Variants in GALNT13 observed in about 807,000 individuals in gnomAD.
The protein encoded by GALNT13 is polypeptide N-acetylgalactosaminyltransferase 13.
A neutral mutation model predicts 64.2 loss-of-function variants in GALNT13; 28 were observed. That is an observed-to-expected ratio of 0.44 (90% confidence interval 0.32 to 0.60). The LOEUF is 0.60. GALNT13 is among the 20% of genes least tolerant of loss of function. The probability of loss-of-function intolerance (pLI) is 0.05; values close to 1 mark genes in which losing one functional copy is unlikely to be tolerated. For missense variants in GALNT13, 577 were observed against 669.8 expected (o/e 0.86, Z 1.53); for synonymous variants, 214 against 224.6 (o/e 0.95, Z 0.42).
the GALNT13 span, among the ~76,000 whole-genome samples, chr2:153,647,926 T>C: frequency 6.6e-6 from 1 of 152,210 alleles, no homozygotes; most frequent in Non-Finnish European, 1.5e-5. Context: ...TTCTTTTGGC[T>C]TAGGATTGAA....
At chr2:153,754,805 C>A in the GALNT13 span, among the ~76,000 whole-genome samples, 1 of 152,092 alleles carries the variant, frequency 6.6e-6, no homozygotes, top group African/African-American at 2.4e-5. Context: ...TTTATCAGAG[C>A]CCCGGAGGAG....
At chr2:153,595,442 T>C in the GALNT13 span, among the ~76,000 whole-genome samples, 1 of 151,926 alleles carries the variant, frequency 6.6e-6, no homozygotes, top group Non-Finnish European at 1.5e-5. Flanking sequence ...CAAAATTTTA[T>C]GTTATATAAA....
chr2:153,353,296 G>C, the GALNT13 span, among the ~76,000 whole-genome samples: 1 of 152,044 alleles, frequency 6.6e-6, no homozygotes, highest in African/African-American at 2.4e-5. Context: ...TTACACACTA[G>C]TCTTGCATTC....
chr2:153,075,240 T>C, the GALNT13 span, among the ~76,000 whole-genome samples: 2 of 152,198 alleles, frequency 1.3e-5, no homozygotes, highest in Non-Finnish European at 2.9e-5. Context: ...TACCGGTATC[T>C]CAGTAATAGG....
At chr2:154,192,651 T>C (rs1686660034) in intron 4 of GALNT13, among the ~76,000 whole-genome samples, 1 of 152,222 alleles carries the variant, frequency 6.6e-6, no homozygotes, top group Non-Finnish European at 1.5e-5. Context: ...ATTAGGTCCA[T>C]TTTTATAGAT....
the GALNT13 span, among the ~76,000 whole-genome samples, chr2:153,462,678 C>T: frequency 6.6e-6 from 1 of 152,112 alleles, no homozygotes; most frequent in African/African-American, 2.4e-5. Context: ...GAAATGAAAT[C>T]TAAATTAGAC....
the GALNT13 span, among the ~76,000 whole-genome samples, chr2:153,650,850 C>A: frequency 2.0e-5 from 3 of 152,024 alleles, no homozygotes; most frequent in African/African-American, 7.2e-5. Flanking sequence ...ACATTTCATC[C>A]AAGTTTCGGA....
intron 3 of GALNT13, among the ~76,000 whole-genome samples, chr2:154,019,650 AC>A (rs1462017250): frequency 2.3e-5 from 3 of 130,322 alleles, no homozygotes; most frequent in Non-Finnish European, 3.5e-5. Context: ...ACACACACAC[AC>A]ACAAAAGCAA....
At chr2:153,122,550 C>T in the GALNT13 span, among the ~76,000 whole-genome samples, 1 of 152,140 alleles carries the variant, frequency 6.6e-6, no homozygotes, top group South Asian at 2.1e-4. Flanking sequence ...TTGTCCCTCA[C>T]CTACATTTTC....
At chr2:153,896,094 T>C (rs1687873369) in intron 1 of GALNT13, among the ~76,000 whole-genome samples, 1 of 147,808 alleles carries the variant, frequency 6.8e-6, no homozygotes, top group Admixed American at 6.8e-5. Flanking sequence ...TTTATGTTTT[T>C]TCCTAAATTA....
chr2:153,251,450 T>A, the GALNT13 span, among the ~76,000 whole-genome samples: 1 of 152,166 alleles, frequency 6.6e-6, no homozygotes, highest in South Asian at 2.1e-4. Context: ...TCTAACACTC[T>A]AACAGGTACT....
In GALNT13 at chr2:154,362,152, G is replaced by C. The variant is rs548983912; in HGVS notation, c.1157-33839G>C. Among the ~76,000 whole-genome samples, 15 of 152,100 alleles carry C rather than the reference G, an allele frequency of 9.9e-5. No individual in the cohort carries two copies. The South Asian group carries it at 3.1e-3, about 32-fold the overall frequency. Reference sequence around the variant, plus strand: ...CTGGTGGCACCCTATTTTCACAAAAGAATTGGCATTAAGAATTGGAATGGT... The same window carrying C: ...CTGGTGGCACCCTATTTTCACAAAACAATTGGCATTAAGAATTGGAATGGT... On this transcript the variant is annotated intron_variant, in intron 9 of 12. Coordinates refer to ENST00000392825, the MANE Select transcript of GALNT13 (RefSeq NM_052917.4).
At chr2:153,588,906 G>A in the GALNT13 span, among the ~76,000 whole-genome samples, 34 of 152,096 alleles carry the variant, frequency 2.2e-4, no homozygotes, top group East Asian at 1.9e-4. Flanking sequence ...GGTGGCTAAC[G>A]CCTGTAATCC....
intron 9 of GALNT13, among the ~76,000 whole-genome samples, chr2:154,322,827 C>T (rs562927972): frequency 1.4e-4 from 21 of 152,100 alleles, no homozygotes; most frequent in East Asian, 7.8e-4. Flanking sequence ...GACTAAAGTC[C>T]CTCAGTGGTA....
At chr2:153,765,930 T>C in the GALNT13 span, among the ~76,000 whole-genome samples, 1 of 152,162 alleles carries the variant, frequency 6.6e-6, no homozygotes, top group African/African-American at 2.4e-5. Flanking sequence ...ACTTTTCCCC[T>C]CCTTTACCTT....
At chr2:153,769,929 CT>C in the GALNT13 span, among the ~76,000 whole-genome samples, 10 of 152,018 alleles carry the variant, frequency 6.6e-5, no homozygotes, top group Admixed American at 6.6e-4. Context: ...TCTGTTTAGT[CT>C]TTTTGTAATG....
chr2:154,132,092 G>A (rs2105550242), intron 3 of GALNT13, among the ~76,000 whole-genome samples: 1 of 152,224 alleles, frequency 6.6e-6, no homozygotes, highest in Admixed American at 6.5e-5. Context: ...TTGAGGGTGG[G>A]TCTGCCTTTC....
rs1244530250 is a variant in GALNT13 at position 154,242,030 on chromosome 2, A to T, written c.312A>T (p.Gly104=). 1 of 1,568,976 alleles carries T rather than the reference A, an allele frequency of 6.4e-7. No individual in the cohort carries two copies. Among genetic ancestry groups the T allele is most frequent in the Admixed American group, 2.0e-5 (1 of 50,938 alleles). The change falls in exon 5 of 13, where the codon GGA becomes GGT. Residue 104 remains glycine, a splice_region_variant and synonymous_variant. Transcript: ENST00000392825. The part of the protein sequence containing the change: ...NRSLPDVRLE[G]CKTKVYPDEL... ...ATCCCTCTTCTTTTCTCTTTTTCAG[A>T]TGTAAGACAAAAGTCTACCCTGATG... is the stretch of plus-strand genomic sequence containing the variant.
the GALNT13 span, among the ~76,000 whole-genome samples, chr2:153,322,621 T>G: frequency 2.6e-5 from 4 of 152,236 alleles, no homozygotes; most frequent in Middle Eastern, 3.4e-3. Flanking sequence ...TTATCTACAT[T>G]AGGTATTTCT....
Sources: allele counts gnomAD v4.1 joint callset (sites outside exome capture counted in the v4.1 genomes callset), GRCh38; gene constraint gnomAD v4.1.1; transcripts MANE v1.5; gene names NCBI Gene and HGNC (gene_info 2026-07-23, HGNC 2026-07-21).